LRRTM3: variants seen among roughly 807,000 people sequenced by gnomAD.
LRRTM3 encodes leucine rich repeat transmembrane neuronal 3, also known as leucine-rich repeat transmembrane neuronal protein 3.
In LRRTM3, 24 loss-of-function variants were observed where a neutral mutation model predicts 44.7. The observed-to-expected ratio is 0.54, with a 90% CI of 0.39 to 0.76. The LOEUF (loss-of-function observed/expected upper bound fraction) is 0.76, where lower values mean the gene tolerates loss of function less well. LRRTM3 is among the 30% of genes least tolerant of loss of function. The probability of loss-of-function intolerance (pLI) is 0.00; values close to 1 mark genes in which losing one functional copy is unlikely to be tolerated. For missense variants in LRRTM3, 587 were observed against 702.2 expected, an observed-to-expected ratio of 0.84 and a Z score of 1.85; for synonymous variants, 277 against 278.7, an observed-to-expected ratio of 0.99 and a Z score of 0.06.
At chr10:66,938,079 A>C (rs1836962333) in intron 2 of LRRTM3, among the ~76,000 whole-genome samples, 1 of 152,196 alleles carries the variant, frequency 6.6e-6, no homozygotes, top group Admixed American at 6.5e-5. Context: ...TTATGAAGTT[A>C]TTATTGCAAA....
intron 2 of LRRTM3, among the ~76,000 whole-genome samples, chr10:66,990,343 TCTC>T (rs1393085203): frequency 1.3e-5 from 2 of 152,172 alleles, no homozygotes; most frequent in Non-Finnish European, 2.9e-5. Context: ...CCACAGTTCT[TCTC>T]CTCTATGCTG....
intron 2 of LRRTM3, among the ~76,000 whole-genome samples, chr10:67,007,516 A>G (rs1589592493): frequency 2.0e-5 from 3 of 152,066 alleles, no homozygotes; most frequent in Admixed American, 1.3e-4. Flanking sequence ...AGGCAGTTCA[A>G]CTGCCACTGA....
rs150316933 is a variant in LRRTM3 at position 67,058,783 on chromosome 10, C to A, written c.1537-38804C>A. 1.4e-4 allele frequency among the ~76,000 whole-genome samples: 21 copies of A among 152,234 alleles called. 1 individual carries two copies. The East Asian group carries it at 4.1e-3, about 29-fold the overall frequency. ...GTGACTAGACTTGTAATGTCTGCATCACAGAGCATCTACAAACCAGAAAAT... is the reference window on the plus strand; with the variant it reads ...GTGACTAGACTTGTAATGTCTGCATAACAGAGCATCTACAAACCAGAAAAT... On this transcript the variant is annotated intron_variant, in intron 2 of 2. Transcript: ENST00000361320.
intron 2 of LRRTM3, chr10:67,052,731 A>C (rs1855186628): frequency 6.6e-6 from 1 of 152,210 alleles, no homozygotes; most frequent in Non-Finnish European, 1.5e-5. Flanking sequence ...ACATCCTGCC[A>C]GCCAACAAGT....
chr10:67,052,419 C>T (rs1417402998), intron 2 of LRRTM3, among the ~76,000 whole-genome samples: 1 of 151,792 alleles, frequency 6.6e-6, no homozygotes, highest in African/African-American at 2.4e-5. Flanking sequence ...GCTGTCCCTT[C>T]TTAGGCCTAG....
intron 2 of LRRTM3, among the ~76,000 whole-genome samples, chr10:66,992,085 C>G (rs1851072586): frequency 6.6e-6 from 1 of 152,170 alleles, no homozygotes; most frequent in Non-Finnish European, 1.5e-5. Context: ...TCAGCCTTAT[C>G]AGATGTTGCC....
intron 2 of LRRTM3, among the ~76,000 whole-genome samples, chr10:67,008,861 T>G (rs1006147592): frequency 1.5e-4 from 23 of 152,204 alleles, no homozygotes; most frequent in African/African-American, 5.1e-4. Flanking sequence ...TTTTCTTGTT[T>G]TAATTTTCCT....
At chr10:67,090,388 T>A (rs1462063125) in intron 2 of LRRTM3, among the ~76,000 whole-genome samples, 1 of 152,132 alleles carries the variant, frequency 6.6e-6, no homozygotes, top group Non-Finnish European at 1.5e-5. Flanking sequence ...ATCTTAATGT[T>A]CACACTAATG....
At chr10:67,051,442 C>A (rs1237799234) in intron 2 of LRRTM3, among the ~76,000 whole-genome samples, 1 of 112,846 alleles carries the variant, frequency 8.9e-6, no homozygotes, top group Non-Finnish European at 1.7e-5. Context: ...CCTTACACAT[C>A]TTTTTTCTTT....
chr10:67,033,544 T>A (rs10997489), intron 2 of LRRTM3, among the ~76,000 whole-genome samples: 56,809 of 152,096 alleles, frequency 0.37, 11,771 homozygotes, highest in East Asian at 0.51. Context: ...ATAGTTCACT[T>A]CTACTACTTA....
intron 2 of LRRTM3, among the ~76,000 whole-genome samples, chr10:66,974,424 T>A (rs1208113760): frequency 6.6e-6 from 1 of 152,210 alleles, no homozygotes; most frequent in East Asian, 1.9e-4. Flanking sequence ...ACATTTAGGT[T>A]GCCTCCAGTT....
chr10:66,992,197 A>G (rs1816874798), intron 2 of LRRTM3, among the ~76,000 whole-genome samples: 1 of 152,152 alleles, frequency 6.6e-6, no homozygotes, highest in Non-Finnish European at 1.5e-5. Flanking sequence ...TCATGCTTTA[A>G]TTTTTATCAT....
chr10:67,019,132 T>C (rs754915377), intron 2 of LRRTM3, among the ~76,000 whole-genome samples: 1 of 152,248 alleles, frequency 6.6e-6, no homozygotes, highest in Non-Finnish European at 1.5e-5. Flanking sequence ...ATAAGGTTTT[T>C]ACAACAGGAT....
At chr10:66,994,497 T>C (rs993184160) in intron 2 of LRRTM3, among the ~76,000 whole-genome samples, 1 of 152,218 alleles carries the variant, frequency 6.6e-6, no homozygotes, top group East Asian at 1.9e-4. Context: ...TTTTGCATCA[T>C]GCTGAACTTC....
At chr10:67,095,823 T>C (rs1857956040) in intron 2 of LRRTM3, among the ~76,000 whole-genome samples, 1 of 151,900 alleles carries the variant, frequency 6.6e-6, no homozygotes. Flanking sequence ...TCTATTTTTG[T>C]TCTCTTCTAT....
At chr10:66,978,813 G>A (rs1850233144) in intron 2 of LRRTM3, among the ~76,000 whole-genome samples, 1 of 151,006 alleles carries the variant, frequency 6.6e-6, no homozygotes, top group African/African-American at 2.4e-5. Flanking sequence ...TGCAACAAAT[G>A]TGGTCCTAAA....
intron 2 of LRRTM3, among the ~76,000 whole-genome samples, chr10:66,941,669 T>C (rs1164681653): frequency 1.3e-5 from 2 of 152,120 alleles, no homozygotes; most frequent in African/African-American, 2.4e-5. Flanking sequence ...ATGATGAGCA[T>C]GGGAGGAGGG....
intron 2 of LRRTM3, among the ~76,000 whole-genome samples, chr10:67,074,002 T>C (rs935070030): frequency 6.6e-6 from 1 of 151,564 alleles, no homozygotes; most frequent in Admixed American, 6.6e-5. Context: ...TCTACTGAAT[T>C]ATCAAAATAA....
intron 2 of LRRTM3, among the ~76,000 whole-genome samples, chr10:66,993,101 G>A (rs1431795743): frequency 1.3e-5 from 2 of 152,112 alleles, no homozygotes; most frequent in East Asian, 1.9e-4. Context: ...ACGATCATGA[G>A]GTCCAAAATA....
Sources: allele counts gnomAD v4.1 joint callset (sites outside exome capture counted in the v4.1 genomes callset), GRCh38; gene constraint gnomAD v4.1.1; transcripts MANE v1.5; gene names NCBI Gene and HGNC (gene_info 2026-07-23, HGNC 2026-07-21).